ZPBP: variants seen among roughly 807,000 people sequenced by gnomAD.
The protein encoded by ZPBP is zona pellucida binding protein.
In ZPBP, 26 loss-of-function variants were observed where a neutral mutation model predicts 44.8. That is an observed-to-expected ratio of 0.58 (90% CI 0.43 to 0.81). The LOEUF is 0.81. ZPBP is among the 30% of genes least tolerant of loss of function. The probability of loss-of-function intolerance (pLI) is 0.00; values close to 1 mark genes in which losing one functional copy is unlikely to be tolerated. For synonymous variants in ZPBP, 174 were observed against 153.2 expected (o/e 1.14, Z -1.00); for missense variants, 409 against 434.0 (o/e 0.94, Z 0.51).
intron 3 of ZPBP, among the ~76,000 whole-genome samples, chr7:50,077,951 G>A (rs748370250): frequency 6.6e-6 from 1 of 151,700 alleles, no homozygotes; most frequent in Non-Finnish European, 1.5e-5. Context: ...CCTGTGTGTT[G>A]CAGCACTGCT....
chr7:50,070,158 C>T (rs1377755592), intron 3 of ZPBP, among the ~76,000 whole-genome samples: 1 of 152,162 alleles, frequency 6.6e-6, no homozygotes, highest in Non-Finnish European at 1.5e-5. Context: ...TAGGTTCACA[C>T]ACACCCACCC....
intron 4 of ZPBP, among the ~76,000 whole-genome samples, chr7:50,034,623 G>A (rs919088951): frequency 7.9e-5 from 12 of 151,742 alleles, no homozygotes; most frequent in African/African-American, 2.9e-4. Context: ...ATACCAGTGT[G>A]CCTATACCAT....
chr7:49,856,095 C>T (rs143350728), intron 2 of ZPBP, among the ~76,000 whole-genome samples: 4 of 152,300 alleles, frequency 2.6e-5, no homozygotes, highest in African/African-American at 9.6e-5. Flanking sequence ...CACCACCCTA[C>T]TGGGAGGCAA....
downstream of ZPBP, among the ~76,000 whole-genome samples, chr7:49,847,705 G>A (rs566840048): frequency 2.0e-5 from 3 of 152,316 alleles, no homozygotes; most frequent in Admixed American, 2.0e-4. Context: ...TCCACGGGAA[G>A]AAGGGGTGAG....
At chr7:49,858,987 T>C (rs1464683289) in intron 2 of ZPBP, among the ~76,000 whole-genome samples, 1 of 152,202 alleles carries the variant, frequency 6.6e-6, no homozygotes, top group African/African-American at 2.4e-5. Flanking sequence ...TATTCACCCA[T>C]TGTGCTTGCT....
intron 2 of ZPBP, among the ~76,000 whole-genome samples, chr7:49,888,514 C>T (rs1204464274): frequency 6.6e-6 from 1 of 152,126 alleles, no homozygotes; most frequent in Non-Finnish European, 1.5e-5. Flanking sequence ...GGGTTAAGAC[C>T]AGTTCAGAAG....
chr7:49,985,131 C>T (rs548478633), intron 6 of ZPBP, among the ~76,000 whole-genome samples: 9 of 152,288 alleles, frequency 5.9e-5, no homozygotes, highest in Admixed American at 2.0e-4. Context: ...CCACCTTGAG[C>T]GCTGAGCTAC....
intron 1 of ZPBP, among the ~76,000 whole-genome samples, chr7:49,905,007 T>C (rs1793010412): frequency 6.6e-6 from 1 of 152,164 alleles, no homozygotes; most frequent in African/African-American, 2.4e-5. Flanking sequence ...GTGCTGGGAT[T>C]AGAGGTGTGA....
At chr7:50,090,314 A>G (rs1346999743) in intron 1 of ZPBP, among the ~76,000 whole-genome samples, 1 of 151,532 alleles carries the variant, frequency 6.6e-6, no homozygotes, top group Non-Finnish European at 1.5e-5. Flanking sequence ...GCATCCTCAT[A>G]GCTTAGCTCC....
chr7:49,906,056 C>A (rs900652784), intron 1 of ZPBP, among the ~76,000 whole-genome samples: 1 of 152,290 alleles, frequency 6.6e-6, no homozygotes, highest in African/African-American at 2.4e-5. Context: ...AGCATATAAT[C>A]AAGAAATAAC....
chr7:49,870,574 A>C lies in ZPBP; in HGVS notation n.510-20060T>G, dbSNP rs1791106730. Among the ~76,000 whole-genome samples, 7 of 152,298 alleles carry C rather than the reference A, an allele frequency of 4.6e-5. No individual in the cohort carries two copies. In the South Asian group the frequency reaches 1.5e-3, roughly 32 times the overall value. On this transcript the variant is annotated intron_variant and non_coding_transcript_variant, in intron 2 of 2. Transcript: ENST00000465922. ...GTGACTGGCACTTACACAGCTGAAT[A>C]CAGGGCATGTCTTACGAGTAGGATT... is the stretch of plus-strand genomic sequence containing the variant.
intron 1 of ZPBP, among the ~76,000 whole-genome samples, chr7:49,926,714 G>C (rs1379116743): frequency 6.6e-6 from 1 of 152,194 alleles, no homozygotes; most frequent in Non-Finnish European, 1.5e-5. Context: ...AATAGGATTA[G>C]ACATGTAAGA....
intron 7 of ZPBP, among the ~76,000 whole-genome samples, chr7:49,975,544 C>T (rs1309799762): frequency 6.6e-6 from 1 of 152,168 alleles, no homozygotes; most frequent in Admixed American, 6.5e-5. Context: ...TGGGCTACTG[C>T]CCATCTTCTT....
chr7:49,966,442 G>A (rs886151833), intron 7 of ZPBP, among the ~76,000 whole-genome samples: 1 of 151,814 alleles, frequency 6.6e-6, no homozygotes, highest in African/African-American at 2.4e-5. Flanking sequence ...CCATACACCA[G>A]GCCATAAAAC....
At chr7:49,984,534 C>T (rs148942906) in intron 6 of ZPBP, among the ~76,000 whole-genome samples, 3 of 152,256 alleles carry the variant, frequency 2.0e-5, no homozygotes, top group Non-Finnish European at 4.4e-5. Flanking sequence ...TTTAGATAAT[C>T]AGGCATTAAG....
intron 2 of ZPBP, among the ~76,000 whole-genome samples, chr7:49,888,517 T>C (rs1791992980): frequency 6.6e-6 from 1 of 152,212 alleles, no homozygotes; most frequent in Non-Finnish European, 1.5e-5. Context: ...TTAAGACCAG[T>C]TCAGAAGGAC....
intron 7 of ZPBP, among the ~76,000 whole-genome samples, chr7:49,951,566 A>G (rs185146794): frequency 6.6e-6 from 1 of 151,538 alleles, no homozygotes; most frequent in East Asian, 1.9e-4. Context: ...TAAAAAGGAA[A>G]ATAGCAAGTG....
intron 1 of ZPBP, among the ~76,000 whole-genome samples, chr7:49,910,701 G>C (rs560954097): frequency 6.6e-6 from 1 of 152,298 alleles, no homozygotes; most frequent in South Asian, 2.1e-4. Context: ...TGACACATTT[G>C]TTGGCTGATA....
chr7:49,992,714 A>T (rs1351871758), intron 6 of ZPBP, among the ~76,000 whole-genome samples: 1 of 152,142 alleles, frequency 6.6e-6, no homozygotes, highest in Non-Finnish European at 1.5e-5. Context: ...GTACCGCTGA[A>T]CAGAAAAGCA....
Sources: gnomAD v4.1 joint callset for allele counts (sites outside exome capture counted in the v4.1 genomes callset) on GRCh38, gnomAD v4.1.1 for gene constraint, MANE v1.5 for transcripts, NCBI Gene and HGNC (gene_info 2026-07-23, HGNC 2026-07-21) for gene names.